Variants in STS observed in about 807,000 individuals in gnomAD.
The protein encoded by STS is steroid sulfatase.
A neutral mutation model predicts 26.8 loss-of-function variants in STS; 7 were observed. The observed-to-expected ratio is 0.26, with a 90% confidence interval of 0.15 to 0.49. The LOEUF is 0.49. Ranked by LOEUF, STS falls within the 20% of genes least tolerant of loss-of-function variation. The probability of loss-of-function intolerance (pLI) is 0.98; values close to 1 mark genes in which losing one functional copy is unlikely to be tolerated. For synonymous variants in STS, 199 were observed against 189.4 expected (o/e 1.05, Z -0.42); for missense variants, 434 against 465.6 (o/e 0.93, Z 0.63).
intron 2 of STS, among the ~76,000 whole-genome samples, chrX:7,214,598 G>A (rs1921163233): frequency 9.0e-6 from 1 of 110,759 alleles, no homozygotes; most frequent in South Asian, 3.9e-4. Context: ...TTGGTTACAT[G>A]AGTCAGTTCT....
chrX:7,209,207 G>A (rs950843240), intron 2 of STS, among the ~76,000 whole-genome samples: 2 of 110,955 alleles, frequency 1.8e-5, no homozygotes, highest in Non-Finnish European at 3.8e-5. Context: ...TAGATTCTGG[G>A]CCTTTTTTAC....
At chrX:7,262,781 A>G (rs1923810542) in intron 6 of STS, among the ~76,000 whole-genome samples, 1 of 111,850 alleles carries the variant, frequency 8.9e-6, no homozygotes, top group African/African-American at 3.3e-5. Flanking sequence ...CTCTAGGCAA[A>G]TTAATATTTA....
chrX:7,327,392 T>C (rs1442637860), intron 9 of STS, among the ~76,000 whole-genome samples: 1 of 107,427 alleles, frequency 9.3e-6, no homozygotes, highest in Non-Finnish European at 1.9e-5. Context: ...TTTTTTCTTT[T>C]TTTTTTTTGA....
At chrX:7,148,247 C>G (rs1342836325) in intron 1 of STS, 164 bp downstream of exon 1, 1 of 329,211 alleles carries the variant, frequency 3.0e-6, no homozygotes, top group East Asian at 5.5e-5. Context: ...GCCCCTCGCC[C>G]GGCTCCGAGC....
intron 2 of STS, among the ~76,000 whole-genome samples, chrX:7,239,022 T>A (rs1922464505): frequency 9.0e-6 from 1 of 111,419 alleles, no homozygotes; most frequent in Admixed American, 9.6e-5. Flanking sequence ...TAATACTCAA[T>A]GTATATTATA....
At chrX:7,279,689 TCTC>T (rs770602317) in intron 7 of STS, among the ~76,000 whole-genome samples, 27 of 109,440 alleles carry the variant, frequency 2.5e-4, no homozygotes, top group Middle Eastern at 4.6e-3. Context: ...AAAAAAATGT[TCTC>T]CTTGTGGGGG....
intron 1 of STS, among the ~76,000 whole-genome samples, chrX:7,154,345 C>T (rs955400049): frequency 6.2e-5 from 7 of 112,250 alleles, no homozygotes; most frequent in South Asian, 3.7e-4. Context: ...GTCACTTCTC[C>T]GAAGTGTTTA....
chrX:7,182,868 A>C (rs1299492668), intron 1 of STS, among the ~76,000 whole-genome samples: 6 of 110,688 alleles, frequency 5.4e-5, no homozygotes, highest in African/African-American at 2.0e-4. Context: ...AAATCATGTG[A>C]TTCCCACGAC....
Position 7,147,910 on chromosome X carries a change from G to T in STS, c.-307G>T. Reference sequence around the variant, plus strand: ...CGCCGCCCGACTTCGGGGCCAGCCGGGGGCAGAGCGCGCGGGAGCCCGAGC... The same window carrying T: ...CGCCGCCCGACTTCGGGGCCAGCCGTGGGCAGAGCGCGCGGGAGCCCGAGC... On this transcript the variant is annotated 5_prime_UTR_variant, in exon 1 of 11. Transcript: ENST00000674429. 2.4e-6 allele frequency: 1 copy of T among 410,131 alleles called. No homozygotes were observed. The highest frequency in any genetic ancestry group is 4.1e-6 in the Non-Finnish European group (1 of 245,826). The allele number at this position is 410,131 out of a possible 1,213,427, so 33.8% of individuals were successfully genotyped here.
chrX:7,329,902 T>C (rs1927666093), intron 9 of STS, among the ~76,000 whole-genome samples: 1 of 111,656 alleles, frequency 9.0e-6, no homozygotes, highest in East Asian at 2.8e-4. Context: ...AAGATTGTTG[T>C]TGTTGTTGTT....
intron 8 of STS, among the ~76,000 whole-genome samples, chrX:7,323,082 C>A (rs1237709535): frequency 1.8e-5 from 2 of 111,655 alleles, no homozygotes; most frequent in African/African-American, 6.5e-5. Flanking sequence ...GATAATCATT[C>A]CATGTAATAA....
At chrX:7,201,170 A>C (rs1430137874) in intron 2 of STS, among the ~76,000 whole-genome samples, 2 of 111,581 alleles carry the variant, frequency 1.8e-5, no homozygotes, top group African/African-American at 6.5e-5. Context: ...TAGATGATAG[A>C]TAGGTGGATG....
At chrX:7,267,415 G>A (rs1347008430) in intron 6 of STS, among the ~76,000 whole-genome samples, 5 of 112,168 alleles carry the variant, frequency 4.5e-5, no homozygotes, top group African/African-American at 6.5e-5. Flanking sequence ...TTCACAAACA[G>A]CTTTTTTCTT....
chrX:7,285,562 A>G (rs1272147136), intron 7 of STS, among the ~76,000 whole-genome samples: 3 of 112,146 alleles, frequency 2.7e-5, no homozygotes, highest in Admixed American at 1.9e-4. Flanking sequence ...CTCCTGAGAT[A>G]TAGGAAGAGC....
intron 2 of STS, among the ~76,000 whole-genome samples, chrX:7,206,825 G>C (rs1229583145): frequency 8.9e-6 from 1 of 112,136 alleles, no homozygotes. Context: ...TCATCAGAGG[G>C]AAAAAACAGT....
chrX:7,318,947 A>G (rs1373884084), intron 8 of STS, among the ~76,000 whole-genome samples: 2 of 111,618 alleles, frequency 1.8e-5, no homozygotes, highest in African/African-American at 6.5e-5. Flanking sequence ...AGGCTGTGAT[A>G]TTTCCAGGGC....
rs185940649 is a variant in STS, at chrX:7,347,060, C to A, written c.1364-2828C>A. 3.4e-3 allele frequency among the ~76,000 whole-genome samples: 378 copies of A among 111,981 alleles called. 2 individuals are homozygous for A. The highest frequency in any genetic ancestry group is 0.014 in the Middle Eastern group (3 of 218). ...CTCCAGCCTGAGTGATAATGCAAGA[C>A]CCTGTCTCTAGAAAATACAAATCGA... On this transcript the variant is annotated intron_variant, in intron 10 of 10. Coordinates refer to ENST00000674429, the MANE Select transcript of STS (RefSeq NM_001320752.2).
At position 7,352,146 on chromosome X, in the gene STS, T is replaced by G. The variant is rs774494227; in HGVS notation, c.*1885T>G. ...GATGTGTTAGGATTGCTACTGATGC[T>G]GTCATGTGGAAACTATTTAAAGGCA... On this transcript the variant is annotated 3_prime_UTR_variant, in exon 11 of 11. Coordinates refer to ENST00000674429, the MANE Select transcript of STS (RefSeq NM_001320752.2). The G allele has an allele frequency of 4.5e-5, 5 of 111,665 alleles. No individual in the cohort carries two copies. The South Asian group carries it at 1.9e-3, about 41-fold the overall frequency. The allele number at this position is 111,665 out of a possible 1,213,427, so 9.2% of individuals were successfully genotyped here.
At chrX:7,292,465 A>T (rs148842445) in intron 7 of STS, among the ~76,000 whole-genome samples, 3 of 112,429 alleles carry the variant, frequency 2.7e-5, no homozygotes, top group African/African-American at 9.7e-5. Context: ...CTGGATCCAC[A>T]TCATAGAATA....
Sources: gnomAD v4.1 joint callset for allele counts (sites outside exome capture counted in the v4.1 genomes callset) on GRCh38, gnomAD v4.1.1 for gene constraint, MANE v1.5 for transcripts, NCBI Gene and HGNC (gene_info 2026-07-23, HGNC 2026-07-21) for gene names.